The following SAE1 variants were observed in gnomAD, a reference collection of about 807,000 sequenced individuals.
The protein encoded by SAE1 is SUMO-activating enzyme subunit 1.
SAE1 carries 11 observed loss-of-function variants against 40.6 expected under a neutral mutation model. The ratio of observed to expected loss-of-function variants is 0.27; its 90% CI spans 0.17 to 0.45. The LOEUF is 0.45. Among genes scored for constraint, SAE1 ranks in the 20% least tolerant of loss-of-function variants. SAE1 has a pLI of 1.00. For missense variants in SAE1, 373 were observed against 427.3 expected (o/e 0.87, Z 1.12); for synonymous variants, 155 against 154.3 (o/e 1.00, Z -0.03).
intron 1 of SAE1, among the ~76,000 whole-genome samples, chr19:47,131,697 CTTTTTTTTTTT>C (rs554165710): frequency 1.2e-5 from 1 of 84,140 alleles, no homozygotes; most frequent in Non-Finnish European, 2.3e-5. Flanking sequence ...TTAGGGAATT[CTTTTTTTTTTT>C]TTTTTTTTTT....
Position 47,163,557 on chromosome 19 carries a change from A to G in SAE1, c.628-6261A>G, listed in dbSNP as rs543273385. 2.0e-5 allele frequency among the ~76,000 whole-genome samples: 3 copies of G among 152,072 alleles called. No individual in the cohort carries two copies. In the East Asian group the frequency reaches 5.9e-4, roughly 30 times the overall value. The stretch of plus-strand genomic sequence containing the variant: ...AGCCTGGCCAACATGGTGAAACCCC[A>G]TCTCTAACAGAAATACAAAATTAGC... On this transcript the variant is annotated intron_variant, in intron 5 of 8. Coordinates refer to ENST00000270225, the MANE Select transcript of SAE1 (RefSeq NM_005500.3).
chr19:47,199,099 G>A lies in SAE1; in HGVS notation c.878+1722G>A, dbSNP rs746405159. 2.7e-5 allele frequency among the ~76,000 whole-genome samples: 4 copies of A among 150,158 alleles called. 1 individual carries two copies. The highest frequency in any genetic ancestry group is 4.2e-4 in the South Asian group (2 of 4,748). ...GAGAGACCGTGTCTCAATACATATA[G>A]CGTAAGGCTGGGCGCGGTGGCTCAC... On this transcript the variant is annotated intron_variant, in intron 7 of 8. Coordinates refer to ENST00000270225, the MANE Select transcript of SAE1 (RefSeq NM_005500.3).
At position 47,169,897 on chromosome 19, in the gene SAE1, C is replaced by G; in HGVS notation, c.707C>G (p.Thr236Arg). Residue 236 changes from threonine (T) to arginine (R), a missense_variant, in exon 6 of 9, where the codon ACG becomes AGG. Transcript: ENST00000270225. ...SEKAKAALKR[T>R]TSDYFLLQVL... is the part of the protein sequence containing the mutation. ...AAAGCAAAGGCTGCTCTGAAGCGCA[C>G]GACCTCCGACTACTTTCTCCTTCAA... The G allele has an allele frequency of 6.2e-7, 1 of 1,613,730 alleles. No homozygotes were observed. The highest frequency in any genetic ancestry group is 8.5e-7 in the Non-Finnish European group (1 of 1,179,614).
chr19:47,164,624 A>ATGTG (rs995063717), intron 5 of SAE1, among the ~76,000 whole-genome samples: 15 of 133,836 alleles, frequency 1.1e-4, no homozygotes, highest in African/African-American at 3.9e-4. Flanking sequence ...TTGATGGGCT[A>ATGTG]TGTGGAGAAT....
intron 7 of SAE1, among the ~76,000 whole-genome samples, chr19:47,202,709 T>G (rs1377523236): frequency 6.6e-6 from 1 of 150,928 alleles, no homozygotes; most frequent in Non-Finnish European, 1.5e-5. Flanking sequence ...GTCAAGAGAT[T>G]GAGACCATCC....
chr19:47,176,050 A>C (rs1307628911), intron 6 of SAE1, among the ~76,000 whole-genome samples: 1 of 152,210 alleles, frequency 6.6e-6, no homozygotes, highest in African/African-American at 2.4e-5. Context: ...ACTACTGTTA[A>C]GTTTTTTAGT....
At chr19:47,179,998 T>TG in intron 6 of SAE1, 1 of 349,056 alleles carries the variant, frequency 2.9e-6, no homozygotes, top group Non-Finnish European at 5.7e-6. Context: ...TTCCTATGAA[T>TG]GTGGACAGTG....
intron 1 of SAE1, among the ~76,000 whole-genome samples, chr19:47,132,191 G>A (rs1012540366): frequency 6.6e-5 from 10 of 150,604 alleles, no homozygotes; most frequent in African/African-American, 2.4e-4. Context: ...TCAAACTCCG[G>A]ACCTCAAGTG....
intron 7 of SAE1, among the ~76,000 whole-genome samples, chr19:47,200,397 T>TA (rs2058645887): frequency 7.4e-6 from 1 of 134,234 alleles, no homozygotes; most frequent in African/African-American, 3.0e-5. Flanking sequence ...CAAGCCTGCC[T>TA]AATTTTTTTT....
At chr19:47,171,246 T>A (rs550576015) in intron 6 of SAE1, among the ~76,000 whole-genome samples, 2 of 152,162 alleles carry the variant, frequency 1.3e-5, no homozygotes, top group South Asian at 2.1e-4. Flanking sequence ...GTGCTGTGAT[T>A]ACAGGTGTGA....
chr19:47,164,181 T>G (rs2058375652), intron 5 of SAE1, among the ~76,000 whole-genome samples: 1 of 152,130 alleles, frequency 6.6e-6, no homozygotes, highest in South Asian at 2.1e-4. Context: ...ATTTTTTTAT[T>G]TTTTTGAGAC....
intron 6 of SAE1, among the ~76,000 whole-genome samples, chr19:47,174,465 C>T (rs2058455749): frequency 6.6e-6 from 1 of 151,032 alleles, no homozygotes; most frequent in Non-Finnish European, 1.5e-5. Flanking sequence ...GGTGCGATCT[C>T]GGTTCACCAC....
At position 47,199,321 on chromosome 19, in the gene SAE1, G is replaced by C. The variant is rs1387360282; in HGVS notation, c.878+1944G>C. 4.0e-5 allele frequency among the ~76,000 whole-genome samples: 6 copies of C among 148,680 alleles called. No individual in the cohort carries two copies. The Admixed American group carries it at 4.1e-4, about 10-fold the overall frequency. On this transcript the variant is annotated intron_variant, in intron 7 of 8. Coordinates refer to ENST00000270225, the MANE Select transcript of SAE1 (RefSeq NM_005500.3). ...AATGGCGTGAACCCGGGAGGCAGAG[G>C]TTGCAGTGAGCTGAGATCACGCCAC...
At chr19:47,147,428 G>T (rs2058261354) in intron 2 of SAE1, among the ~76,000 whole-genome samples, 1 of 150,936 alleles carries the variant, frequency 6.6e-6, no homozygotes, top group Non-Finnish European at 1.5e-5. Flanking sequence ...GGCTGGTCTT[G>T]AACTTTCTGG....
rs117029094 is a variant in SAE1, at chr19:47,206,797, C to T, written c.949-2362C>T. ...GGCCCTATTATTATTAATAGCAGCTCCTACTTACTAAGAATTTACTACGTG... is the reference window on the plus strand; with the variant it reads ...GGCCCTATTATTATTAATAGCAGCTTCTACTTACTAAGAATTTACTACGTG... On this transcript the variant is annotated intron_variant, in intron 8 of 8. Coordinates refer to ENST00000270225, the MANE Select transcript of SAE1 (RefSeq NM_005500.3). 6.3e-3 allele frequency among the ~76,000 whole-genome samples: 958 copies of T among 152,260 alleles called. 3 individuals are homozygous for T. Among genetic ancestry groups the T allele is most frequent in the Middle Eastern group, 0.017 (5 of 294 alleles).
chr19:47,166,690 T>A (rs1449211157), intron 5 of SAE1, among the ~76,000 whole-genome samples: 1 of 152,188 alleles, frequency 6.6e-6, no homozygotes, highest in East Asian at 1.9e-4. Flanking sequence ...ATACTGTGTT[T>A]CCTCATTCTG....
intron 6 of SAE1, among the ~76,000 whole-genome samples, chr19:47,178,692 C>T (rs1185592566): frequency 6.6e-6 from 1 of 152,150 alleles, no homozygotes; most frequent in African/African-American, 2.4e-5. Flanking sequence ...AGGCTGGTCT[C>T]GAACTCTTGA....
chr19:47,203,780 C>G (rs775068051), intron 8 of SAE1, 40 bp downstream of exon 8: 22 of 1,526,668 alleles, frequency 1.4e-5, no homozygotes, highest in Non-Finnish European at 1.8e-5. Flanking sequence ...TTAACCATGA[C>G]TTTGTATATG....
At chr19:47,143,454 A>C (rs375299396) in intron 1 of SAE1, 40 bp from the exon 2 acceptor site, 18 of 1,493,490 alleles carry the variant, frequency 1.2e-5, no homozygotes, top group East Asian at 9.0e-5. Flanking sequence ...CTGCAAGCTC[A>C]CTGTTCTGTA....
Sources: gnomAD v4.1 joint callset for allele counts (sites outside exome capture counted in the v4.1 genomes callset) on GRCh38, gnomAD v4.1.1 for gene constraint, MANE v1.5 for transcripts, NCBI Gene and HGNC (gene_info 2026-07-23, HGNC 2026-07-21) for gene names.